RGS17: variants seen among roughly 807,000 people sequenced by gnomAD.
The protein encoded by RGS17 is regulator of G protein signaling 17.
RGS17 carries 12 observed loss-of-function variants against 25.5 expected under a neutral mutation model. That is an observed-to-expected ratio of 0.47 (90% confidence interval 0.30 to 0.76). The LOEUF is 0.76. RGS17 is among the 30% of genes least tolerant of loss of function. The probability of loss-of-function intolerance (pLI) is 0.07; values close to 1 mark genes in which losing one functional copy is unlikely to be tolerated. For missense variants in RGS17, 196 were observed against 242.2 expected (o/e 0.81, Z 1.27); for synonymous variants, 71 against 76.9 (o/e 0.92, Z 0.40).
intron 1 of RGS17, among the ~76,000 whole-genome samples, chr6:153,056,677 C>T (rs1776564014): frequency 6.6e-6 from 1 of 152,110 alleles, no homozygotes; most frequent in Admixed American, 6.6e-5. Context: ...CTGCTGTCTT[C>T]AAAATACAGC....
At chr6:153,033,467 C>G (rs1469884479) in intron 2 of RGS17, among the ~76,000 whole-genome samples, 2 of 152,138 alleles carry the variant, frequency 1.3e-5, no homozygotes, top group Non-Finnish European at 2.9e-5. Context: ...CTTGTAATCC[C>G]AGCACTTTGG....
At position 153,007,974 on chromosome 6, in the gene RGS17, C is replaced by T. The variant is rs1193625055; in HGVS notation, c.*3600G>A. The T allele has an allele frequency of 2.6e-5, 4 of 152,122 alleles. No individual in the cohort carries two copies. The highest frequency in any genetic ancestry group is 4.4e-5 in the Non-Finnish European group (3 of 68,020). 9.4% of individuals were successfully genotyped at this position (152,122 alleles called of 1,614,324 possible). On this transcript the variant is annotated 3_prime_UTR_variant, in exon 5 of 5. Transcript: ENST00000206262. ...AAATTCCTTCTCTTTTACATTTCAA[C>T]ACCAAAGCATCTAATAATTGGTATT...
At chr6:153,069,758 G>GTT (rs1249882977) in intron 1 of RGS17, among the ~76,000 whole-genome samples, 2 of 151,400 alleles carry the variant, frequency 1.3e-5, no homozygotes, top group African/African-American at 2.4e-5. Context: ...GTGTGTGTGT[G>GTT]TGTGTGTGTG....
chr6:153,096,086 G>A (rs1777203482), intron 1 of RGS17, among the ~76,000 whole-genome samples: 1 of 152,200 alleles, frequency 6.6e-6, no homozygotes, highest in Non-Finnish European at 1.5e-5. Flanking sequence ...AGCTTTGACA[G>A]AGCTTTGAAC....
rs554606839 is a variant in RGS17 at position 153,041,169 on chromosome 6, C to A, written c.119+2731G>T. On this transcript the variant is annotated intron_variant, in intron 2 of 4. Transcript: ENST00000206262. ...GACAGAGCAGATTTTGTCTCAAATACAAATAAATAAATAAATAATAATCAA... is the reference window on the plus strand; with the variant it reads ...GACAGAGCAGATTTTGTCTCAAATAAAAATAAATAAATAAATAATAATCAA... 2.7e-4 allele frequency among the ~76,000 whole-genome samples: 41 copies of A among 151,896 alleles called. No individual in the cohort carries two copies. In the South Asian group the frequency reaches 8.3e-3, roughly 31 times the overall value.
intron 4 of RGS17, among the ~76,000 whole-genome samples, chr6:153,019,443 C>T (rs765520225): frequency 6.6e-6 from 1 of 152,082 alleles, no homozygotes; most frequent in African/African-American, 2.4e-5. Flanking sequence ...CTTTTGATAT[C>T]GTTTGGATGT....
chr6:153,059,053 T>C (rs764565947), intron 1 of RGS17, among the ~76,000 whole-genome samples: 89 of 152,212 alleles, frequency 5.8e-4, no homozygotes, highest in Non-Finnish European at 5.1e-4. Context: ...TCAGTGAATA[T>C]ACCCATGTAA....
At position 153,006,699 on chromosome 6, in the gene RGS17, G is replaced by A. The variant is rs1779079909; in HGVS notation, c.*4875C>T. Reference sequence around the variant, plus strand: ...AACAATTATTGACGTGATGCACTTTGATAAAATAATAATGTATGCCACACT... The same window carrying A: ...AACAATTATTGACGTGATGCACTTTAATAAAATAATAATGTATGCCACACT... On this transcript the variant is annotated 3_prime_UTR_variant, in exon 5 of 5. Coordinates refer to ENST00000206262, the MANE Select transcript of RGS17 (RefSeq NM_012419.5). 6.6e-6 allele frequency: 1 copy of A among 152,184 alleles called. No homozygotes were observed. The highest frequency in any genetic ancestry group is 1.5e-5 in the Non-Finnish European group (1 of 68,034). The allele number at this position is 152,184 out of a possible 1,614,324, so 9.4% of individuals were successfully genotyped here. A position where few individuals can be genotyped will look rare whatever the true frequency, so the allele number is the denominator to read the frequency against.
At chr6:153,021,595 C>A (rs1333179446) in intron 4 of RGS17, among the ~76,000 whole-genome samples, 3 of 152,134 alleles carry the variant, frequency 2.0e-5, no homozygotes, top group Non-Finnish European at 4.4e-5. Context: ...AATTTAATTA[C>A]TCTGTTGACA....
intron 1 of RGS17, among the ~76,000 whole-genome samples, chr6:153,093,841 C>G (rs1420639655): frequency 6.6e-6 from 1 of 152,130 alleles, no homozygotes; most frequent in African/African-American, 2.4e-5. Context: ...TCAGCCCTAC[C>G]TATACTAAAT....
intron 1 of RGS17, among the ~76,000 whole-genome samples, chr6:153,054,001 CATATAT>C (rs1562321399): frequency 3.3e-5 from 1 of 30,230 alleles, no homozygotes; most frequent in African/African-American, 1.6e-4. Flanking sequence ...AATATATATA[CATATAT>C]ACGTATATAT....
intron 4 of RGS17, among the ~76,000 whole-genome samples, chr6:153,013,679 A>G (rs1779156022): frequency 1.3e-5 from 2 of 152,264 alleles, no homozygotes; most frequent in Admixed American, 1.3e-4. Flanking sequence ...CATGTGAATA[A>G]GAAAGCAAAA....
Position 153,085,734 on chromosome 6 carries a change from G to A in RGS17, c.-25-41691C>T, listed in dbSNP as rs370966320. ...TAATAAATATTACTGAAGTTTCATAGCTACATTTCCTTCATTACTCTTACA... is the reference window on the plus strand; with the variant it reads ...TAATAAATATTACTGAAGTTTCATAACTACATTTCCTTCATTACTCTTACA... On this transcript the variant is annotated intron_variant, in intron 1 of 4. Coordinates refer to ENST00000206262, the MANE Select transcript of RGS17 (RefSeq NM_012419.5). Among the ~76,000 whole-genome samples the A allele has an allele frequency of 3.2e-4, 49 of 152,236 alleles. 8 individuals carry two copies. Among genetic ancestry groups the A allele is most frequent in the Admixed American group, 2.1e-3 (32 of 15,284 alleles).
Position 153,011,240 on chromosome 6 carries a change from CTA to C in RGS17, c.*332_*333del, listed in dbSNP as rs1016459609. On this transcript the variant is annotated 3_prime_UTR_variant, in exon 5 of 5. Transcript: ENST00000206262. ...GCTACTGGATTAAATATTACAACAA[CTA>C]TGTGGCAAATGAAGCATTTTACTTT... 4 of 198,396 alleles carry C rather than the reference CTA, an allele frequency of 2.0e-5. No homozygotes were observed. The highest frequency in any genetic ancestry group is 4.0e-5 in the Non-Finnish European group (4 of 99,194). The allele number at this position is 198,396 out of a possible 1,614,324, so 12.3% of individuals were successfully genotyped here. A position where few individuals can be genotyped will look rare whatever the true frequency, so the allele number is the denominator to read the frequency against.
chr6:153,085,944 C>G (rs1777047529), intron 1 of RGS17, among the ~76,000 whole-genome samples: 1 of 152,090 alleles, frequency 6.6e-6, no homozygotes, highest in African/African-American at 2.4e-5. Context: ...AACCTGGTCA[C>G]TTTTATTGTC....
chr6:153,021,695 A>T (rs77607781), intron 4 of RGS17, among the ~76,000 whole-genome samples: 1 of 152,318 alleles, frequency 6.6e-6, no homozygotes, highest in Non-Finnish European at 1.5e-5. Context: ...AAATTAGAAC[A>T]AGTTGAATTT....
intron 1 of RGS17, among the ~76,000 whole-genome samples, chr6:153,122,364 C>T (rs1367938728): frequency 6.6e-6 from 1 of 152,002 alleles, no homozygotes; most frequent in Admixed American, 6.6e-5. Context: ...TTTGAGTACT[C>T]AAAATGATAA....
intron 2 of RGS17, among the ~76,000 whole-genome samples, chr6:153,040,183 T>TG (rs1277605838): frequency 6.6e-6 from 1 of 152,048 alleles, no homozygotes; most frequent in African/African-American, 2.4e-5. Flanking sequence ...GAGACTGACG[T>TG]GGGGGGAGAA....
chr6:153,022,972 TA>T (rs1233608481), intron 4 of RGS17, among the ~76,000 whole-genome samples: 1 of 151,996 alleles, frequency 6.6e-6, no homozygotes, highest in African/African-American at 2.4e-5. Flanking sequence ...ATGTAGGAAA[TA>T]AAAAAATAAA....
Sources: allele counts gnomAD v4.1 joint callset (sites outside exome capture counted in the v4.1 genomes callset), GRCh38; gene constraint gnomAD v4.1.1; transcripts MANE v1.5; gene names NCBI Gene and HGNC (gene_info 2026-07-23, HGNC 2026-07-21).